CFAP221: variants seen among roughly 807,000 people sequenced by gnomAD.
CFAP221 encodes the protein cilia and flagella associated protein 221, also known as cilia- and flagella-associated protein 221.
CFAP221 carries 97 observed loss-of-function variants against 113.1 expected under a neutral mutation model. The ratio of observed to expected loss-of-function variants is 0.86; its 90% confidence interval spans 0.73 to 1.02. The LOEUF (loss-of-function observed/expected upper bound fraction) is 1.02, where lower values mean the gene tolerates loss of function less well. CFAP221 is among the 50% of genes least tolerant of loss of function. CFAP221 has a pLI of 0.00. For synonymous variants in CFAP221, 331 were observed against 354.4 expected (o/e 0.93, Z 0.74); for missense variants, 1,025 against 1,013.4 (o/e 1.01, Z -0.16).
intron 12 of CFAP221, among the ~76,000 whole-genome samples, chr2:119,610,112 G>C (rs1685049029): frequency 6.6e-6 from 1 of 152,164 alleles, no homozygotes; most frequent in African/African-American, 2.4e-5. Flanking sequence ...AGGTGAAGTT[G>C]GCACAGACAT....
chr2:119,617,425 G>A (rs542607332), intron 14 of CFAP221, among the ~76,000 whole-genome samples: 1 of 152,324 alleles, frequency 6.6e-6, no homozygotes, highest in Non-Finnish European at 1.5e-5. Context: ...GTGCTCCCAG[G>A]GAGGAAAGCA....
At chr2:119,568,145 A>G (rs2104561268) in intron 6 of CFAP221, among the ~76,000 whole-genome samples, 1 of 152,344 alleles carries the variant, frequency 6.6e-6, no homozygotes, top group African/African-American at 2.4e-5. Flanking sequence ...ATACATTAGC[A>G]TTATGTATAC....
At chr2:119,627,581 C>G (rs2177093) in intron 15 of CFAP221, 72 bp from the exon 16 acceptor site, 53,974 of 1,445,338 alleles carry the variant, frequency 0.037, 1,150 homozygotes, top group Non-Finnish European at 0.043. Flanking sequence ...GGAAAATATG[C>G]AAATATATAT....
At chr2:119,569,812 G>A (rs887383998) in intron 6 of CFAP221, among the ~76,000 whole-genome samples, 5 of 151,996 alleles carry the variant, frequency 3.3e-5, no homozygotes, top group Non-Finnish European at 5.9e-5. Context: ...CTTCATTTCT[G>A]TTATTATGTT....
intron 16 of CFAP221, among the ~76,000 whole-genome samples, chr2:119,629,534 G>T (rs1686615354): frequency 6.6e-6 from 1 of 152,134 alleles, no homozygotes; most frequent in Non-Finnish European, 1.5e-5. Flanking sequence ...CCTGAAGAGG[G>T]CTCCCCTGCC....
intron 21 of CFAP221, among the ~76,000 whole-genome samples, chr2:119,640,868 C>T (rs1208299369): frequency 6.6e-6 from 1 of 152,238 alleles, no homozygotes; most frequent in Admixed American, 6.5e-5. Context: ...CTCAGCCATG[C>T]CCCTTGGCCA....
At chr2:119,564,069 A>G (rs545157314) in intron 6 of CFAP221, among the ~76,000 whole-genome samples, 3 of 152,336 alleles carry the variant, frequency 2.0e-5, no homozygotes, top group Admixed American at 6.5e-5. Flanking sequence ...GGGGGAAGCA[A>G]GGCCTAAAGA....
chr2:119,638,504 C>T (rs937722092), intron 20 of CFAP221, 87 bp downstream of exon 20: 16 of 1,517,666 alleles, frequency 1.1e-5, no homozygotes, highest in Admixed American at 1.7e-5. Context: ...GCTGGAATTG[C>T]GACAAAGGTT....
At chr2:119,630,103 G>C (rs1315748406) in intron 17 of CFAP221, 148 bp downstream of exon 17, 1 of 691,036 alleles carries the variant, frequency 1.4e-6, no homozygotes, top group Admixed American at 2.9e-5. Flanking sequence ...GCATATGGGA[G>C]GTACAGCAGA....
chr2:119,614,509 C>G (rs766485628), intron 13 of CFAP221, among the ~76,000 whole-genome samples: 63 of 152,160 alleles, frequency 4.1e-4, no homozygotes, highest in Admixed American at 1.0e-3. Flanking sequence ...GAGACACAAA[C>G]ACATCCTTCT....
At chr2:119,640,342 C>T (rs1687408642) in intron 21 of CFAP221, among the ~76,000 whole-genome samples, 1 of 152,156 alleles carries the variant, frequency 6.6e-6, no homozygotes, top group Non-Finnish European at 1.5e-5. Flanking sequence ...CCATGGCAAT[C>T]CCCACACAGA....
intron 3 of CFAP221, among the ~76,000 whole-genome samples, chr2:119,558,121 A>G (rs886496909): frequency 1.3e-5 from 2 of 152,020 alleles, no homozygotes; most frequent in African/African-American, 4.8e-5. Context: ...AACCACTTCC[A>G]CTTCCAGCTC....
downstream of CFAP221, among the ~76,000 whole-genome samples, chr2:119,657,875 C>T (rs1190915636): frequency 2.0e-5 from 3 of 152,134 alleles, no homozygotes; most frequent in African/African-American, 4.8e-5. Context: ...TCCACAGAAG[C>T]GTTATGTCCT....
At chr2:119,631,137 T>C (rs1401736895) in intron 19 of CFAP221, 2 of 1,105,876 alleles carry the variant, frequency 1.8e-6, no homozygotes, top group Non-Finnish European at 1.2e-6. Context: ...TTTCTAAATA[T>C]CTATAATATG....
chr2:119,595,129 T>A (rs1683869969), intron 7 of CFAP221, among the ~76,000 whole-genome samples: 1 of 152,218 alleles, frequency 6.6e-6, no homozygotes, highest in East Asian at 1.9e-4. Context: ...GTGGGCATGG[T>A]GTGGCAGCCT....
intron 6 of CFAP221, among the ~76,000 whole-genome samples, chr2:119,581,991 A>G (rs1682879500): frequency 6.6e-6 from 1 of 152,156 alleles, no homozygotes; most frequent in East Asian, 1.9e-4. Flanking sequence ...AAGTGACAGC[A>G]GTTCTTCATC....
At chr2:119,564,034 CTG>C (rs1218118044) in intron 6 of CFAP221, among the ~76,000 whole-genome samples, 2 of 152,152 alleles carry the variant, frequency 1.3e-5, no homozygotes, top group African/African-American at 2.4e-5. Flanking sequence ...TAGATAAAGA[CTG>C]TGGGCTTCAG....
chr2:119,658,077 G>A (rs114709340), downstream of CFAP221, among the ~76,000 whole-genome samples: 198 of 152,204 alleles, frequency 1.3e-3, 1 homozygote, highest in African/African-American at 4.4e-3. Flanking sequence ...CTGTATCTAC[G>A]TATCTTTATA....
chr2:119,658,000 A>C (rs1212063963), downstream of CFAP221, among the ~76,000 whole-genome samples: 1 of 152,186 alleles, frequency 6.6e-6, no homozygotes, highest in Admixed American at 6.5e-5. Context: ...TGGGACATTA[A>C]TATAATCATG....
Sources: allele counts gnomAD v4.1 joint callset (sites outside exome capture counted in the v4.1 genomes callset), GRCh38; gene constraint gnomAD v4.1.1; transcripts MANE v1.5; gene names NCBI Gene and HGNC (gene_info 2026-07-23, HGNC 2026-07-21).